The following CRB1 variants were observed in gnomAD, a reference collection of about 807,000 sequenced individuals.
The protein encoded by CRB1 is crumbs cell polarity complex component 1, also known as protein crumbs homolog 1.
A neutral mutation model predicts 120.0 loss-of-function variants in CRB1; 83 were observed. The observed-to-expected ratio is 0.69, with a 90% CI of 0.58 to 0.83. The LOEUF is 0.83. Among genes scored for constraint, CRB1 ranks in the 40% least tolerant of loss-of-function variants. The probability of loss-of-function intolerance (pLI) is 0.00; values close to 1 mark genes in which losing one functional copy is unlikely to be tolerated. For synonymous variants in CRB1, 625 were observed against 612.5 expected (o/e 1.02, Z -0.30); for missense variants, 1,699 against 1,687.6 (o/e 1.01, Z -0.12).
At chr1:197,354,182 T>C (rs1190987042) in intron 4 of CRB1, among the ~76,000 whole-genome samples, 1 of 152,224 alleles carries the variant, frequency 6.6e-6, no homozygotes, top group Non-Finnish European at 1.5e-5. Flanking sequence ...ACATTCACAA[T>C]CATCCACTGC....
intron 5 of CRB1, among the ~76,000 whole-genome samples, chr1:197,401,142 AC>A (rs1663045965): frequency 1.3e-5 from 2 of 152,084 alleles, no homozygotes; most frequent in African/African-American, 2.4e-5. Context: ...CTATTATTAT[AC>A]CATTTGTAGT....
chr1:197,214,827 A>C, the CRB1 span, among the ~76,000 whole-genome samples: 3 of 152,066 alleles, frequency 2.0e-5, no homozygotes, highest in Non-Finnish European at 4.4e-5. Flanking sequence ...AACTCTTTTC[A>C]TGAGCCCAGC....
At chr1:197,219,605 C>T in the CRB1 span, among the ~76,000 whole-genome samples, 96 of 152,336 alleles carry the variant, frequency 6.3e-4, no homozygotes, top group African/African-American at 2.2e-3. Flanking sequence ...AAAGTCATGT[C>T]GCACAGCGAA....
intron 2 of CRB1, among the ~76,000 whole-genome samples, chr1:197,332,265 T>C (rs1298120526): frequency 6.6e-6 from 1 of 152,210 alleles, no homozygotes; most frequent in Non-Finnish European, 1.5e-5. Flanking sequence ...ATTTATACTG[T>C]AGGTTGTATC....
chr1:197,451,144 C>A (rs914562914), intron 11 of CRB1, among the ~76,000 whole-genome samples: 4 of 151,950 alleles, frequency 2.6e-5, no homozygotes, highest in African/African-American at 9.7e-5. Flanking sequence ...TCTGAATGAC[C>A]GTATTTCAGA....
At chr1:197,427,395 C>T in intron 6 of CRB1, 59 bp from the exon 7 acceptor site, 2 of 1,526,140 alleles carry the variant, frequency 1.3e-6, no homozygotes, top group Non-Finnish European at 1.8e-6. Flanking sequence ...TCCCTTCTGT[C>T]TTTTGAGCCT....
the CRB1 span, among the ~76,000 whole-genome samples, chr1:197,250,152 G>A: frequency 1.3e-5 from 2 of 151,880 alleles, no homozygotes; most frequent in African/African-American, 2.4e-5. Flanking sequence ...AGTCACACCT[G>A]TATTCTATTC....
chr1:197,226,020 T>A, the CRB1 span, among the ~76,000 whole-genome samples: 2 of 152,068 alleles, frequency 1.3e-5, no homozygotes, highest in African/African-American at 4.8e-5. Context: ...CGTGCCTCAG[T>A]CTCCTGAGGA....
chr1:197,387,284 T>TAGCTAATGTAGCTACATTATGTTAATAA (rs1662265926), intron 5 of CRB1, among the ~76,000 whole-genome samples: 2 of 152,066 alleles, frequency 1.3e-5, no homozygotes, highest in Admixed American at 6.6e-5. Flanking sequence ...TAGCTCAATG[T>TAGCTAATGTAGCTACATTATGTTAATAA]AGCTAATGTA....
At position 197,356,970 on chromosome 1, in the gene CRB1, T is replaced by G; in HGVS notation, c.1128T>G (p.His376Gln). The G allele has an allele frequency of 6.2e-7, 1 of 1,614,206 alleles. No homozygotes were observed. ...ITGLPSSFSY[H>Q]EASGYVCICQ... is the part of the protein sequence containing the mutation. ...GACTGCCTTCTTCTTTCAGCTACCATGAAGCCTCAGGTTATGTCTGTATCT... is the reference window on the plus strand; with the variant it reads ...GACTGCCTTCTTCTTTCAGCTACCAGGAAGCCTCAGGTTATGTCTGTATCT... Residue 376 changes from histidine (H) to glutamine (Q), a missense_variant, in exon 5 of 12, where the codon CAT (histidine) becomes CAG (glutamine). By Grantham distance (24) the His-to-Gln change is conservative (BLOSUM62 0). Coordinates refer to ENST00000367400, the MANE Select transcript of CRB1 (RefSeq NM_201253.3).
chr1:197,318,393 G>C (rs2125285270), intron 1 of CRB1, among the ~76,000 whole-genome samples: 2 of 152,274 alleles, frequency 1.3e-5, no homozygotes, highest in Admixed American at 1.3e-4. Context: ...CACTCTGCTG[G>C]TGGGAATATA....
Position 197,415,638 on chromosome 1 carries a change from TTTC to T in CRB1, c.1172-5359_1172-5357del, listed in dbSNP as rs1558120955. On this transcript the variant is annotated intron_variant, in intron 5 of 11. Transcript: ENST00000367400. ...TTTTTTTTTTCTTTTTCTTTTTTCT[TTTC>T]TTTTTTTTTTTTTTTTTTTGAGACA... 9.1e-3 allele frequency among the ~76,000 whole-genome samples: 1,021 copies of T among 111,780 alleles called. 27 individuals are homozygous for T. Among genetic ancestry groups the T allele is most frequent in the African/African-American group, 0.04 (986 of 24,618 alleles). 73.3% of individuals were successfully genotyped at this position (111,780 alleles called of 152,430 possible).
At chr1:197,430,391 C>T (rs1007952815) in intron 8 of CRB1, among the ~76,000 whole-genome samples, 16 of 152,186 alleles carry the variant, frequency 1.1e-4, no homozygotes, top group African/African-American at 3.9e-4. Flanking sequence ...ACACCAGTAT[C>T]AATTTTTCCA....
At chr1:197,311,698 AGTGT>A (rs57455433) in intron 1 of CRB1, among the ~76,000 whole-genome samples, 27,560 of 138,692 alleles carry the variant, frequency 0.2, 2,997 homozygotes, top group Non-Finnish European at 0.26. Flanking sequence ...TCATATAGTT[AGTGT>A]GTGTGTGTGT....
chr1:197,409,324 C>T (rs2125447867), intron 5 of CRB1, among the ~76,000 whole-genome samples: 1 of 152,232 alleles, frequency 6.6e-6, no homozygotes, highest in East Asian at 1.9e-4. Context: ...GAGCTTTTGG[C>T]ATAACACATT....
At chr1:197,209,323 G>A in the CRB1 span, among the ~76,000 whole-genome samples, 1 of 149,530 alleles carries the variant, frequency 6.7e-6, no homozygotes, top group East Asian at 1.9e-4. Context: ...TTTTTGTTTT[G>A]TTTTTGTTTT....
chr1:197,420,191 C>T (rs553637100), intron 5 of CRB1, among the ~76,000 whole-genome samples: 100 of 152,218 alleles, frequency 6.6e-4, no homozygotes, highest in Admixed American at 2.9e-3. Flanking sequence ...TAAAGTCCTA[C>T]GCATATGTCT....
chr1:197,205,172 A>G, the CRB1 span, among the ~76,000 whole-genome samples: 1 of 152,150 alleles, frequency 6.6e-6, no homozygotes, highest in Non-Finnish European at 1.5e-5. Flanking sequence ...AGTAATGTGT[A>G]GGGTTTTCTA....
At chr1:197,350,401 A>G (rs1310570630) in intron 4 of CRB1, among the ~76,000 whole-genome samples, 1 of 152,234 alleles carries the variant, frequency 6.6e-6, no homozygotes, top group East Asian at 1.9e-4. Context: ...AAGGGCAACT[A>G]TGTAGCAAAT....
Sources: gnomAD v4.1 joint callset for allele counts (sites outside exome capture counted in the v4.1 genomes callset) on GRCh38, gnomAD v4.1.1 for gene constraint, MANE v1.5 for transcripts, NCBI Gene and HGNC (gene_info 2026-07-23, HGNC 2026-07-21) for gene names.